SV2C: variants seen among roughly 807,000 people sequenced by gnomAD.
The protein encoded by SV2C is solute carrier family 22 member B3.
Under a neutral mutation model 79.7 loss-of-function variants are expected in SV2C, and 49 were observed. That is an observed-to-expected ratio of 0.61 (90% CI 0.49 to 0.78). SV2C has a LOEUF of 0.78. Ranked by LOEUF, SV2C falls within the 30% of genes least tolerant of loss-of-function variation. SV2C has a pLI of 0.00. For synonymous variants in SV2C, 334 were observed against 333.2 expected (o/e 1.00, Z -0.03); for missense variants, 833 against 912.9 (o/e 0.91, Z 1.13).
At chr5:76,093,357 C>G (rs1018542220) in intron 1 of SV2C, among the ~76,000 whole-genome samples, 1 of 152,132 alleles carries the variant, frequency 6.6e-6, no homozygotes, top group Admixed American at 6.5e-5. Flanking sequence ...AGTGGACATG[C>G]GAGTGGTGTG....
Position 76,242,953 on chromosome 5 carries a change from G to A in SV2C, c.913+33066G>A, listed in dbSNP as rs145192082. On this transcript the variant is annotated intron_variant, in intron 4 of 12. Transcript: ENST00000502798. ...CCCTTGAGCCTGGGAGTTTGAGGCC[G>A]CAGTGAGCTAAGATCACACCACTGC... 6.0e-3 allele frequency among the ~76,000 whole-genome samples: 829 copies of A among 139,090 alleles called. 4 individuals are homozygous for A. Among genetic ancestry groups the A allele is most frequent in the African/African-American group, 0.02 (751 of 37,624 alleles). 91.2% of individuals were successfully genotyped at this position (139,090 alleles called of 152,430 possible).
the SV2C span, among the ~76,000 whole-genome samples, chr5:76,061,777 A>G: frequency 1.3e-5 from 2 of 152,136 alleles, no homozygotes; most frequent in Non-Finnish European, 2.9e-5. Flanking sequence ...AACGTGCCCC[A>G]TAAACTTTAT....
chr5:76,013,566 A>T, the SV2C span, among the ~76,000 whole-genome samples: 2 of 152,178 alleles, frequency 1.3e-5, no homozygotes, highest in African/African-American at 4.8e-5. Flanking sequence ...AGACAATTTG[A>T]CTTCCTCTCT....
chr5:76,281,209 GACA>G (rs1747183566), intron 4 of SV2C: 2 of 531,486 alleles, frequency 3.8e-6, no homozygotes, highest in Non-Finnish European at 7.6e-6. Flanking sequence ...AAACAGAAAA[GACA>G]ACAACAGTGA....
At chr5:76,118,661 A>G (rs909375082) in intron 1 of SV2C, among the ~76,000 whole-genome samples, 1 of 152,038 alleles carries the variant, frequency 6.6e-6, no homozygotes, top group African/African-American at 2.4e-5. Flanking sequence ...AACCTTTCTG[A>G]GGGGCAGTAT....
chr5:76,146,451 A>G (rs34253050), intron 2 of SV2C, among the ~76,000 whole-genome samples: 9,319 of 152,194 alleles, frequency 0.061, 771 homozygotes, highest in East Asian at 0.4. Flanking sequence ...ACTTCCTGAC[A>G]TTGCCATGGC....
the SV2C span, among the ~76,000 whole-genome samples, chr5:75,868,431 A>T: frequency 6.6e-6 from 1 of 152,174 alleles, no homozygotes; most frequent in Non-Finnish European, 1.5e-5. Flanking sequence ...CTATGTGTGG[A>T]TGGGTTGGAG....
the SV2C span, among the ~76,000 whole-genome samples, chr5:76,048,380 A>T: frequency 6.6e-6 from 1 of 152,214 alleles, no homozygotes; most frequent in African/African-American, 2.4e-5. Context: ...TGTTGTATTC[A>T]GGCCCTCAAC....
chr5:76,094,354 A>C (rs941375623), intron 1 of SV2C, among the ~76,000 whole-genome samples: 1 of 152,158 alleles, frequency 6.6e-6, no homozygotes, highest in South Asian at 2.1e-4. Flanking sequence ...ACACTGTCCT[A>C]ATTTTTATCA....
the SV2C span, among the ~76,000 whole-genome samples, chr5:75,852,682 T>C: frequency 5.3e-5 from 8 of 151,860 alleles, no homozygotes; most frequent in East Asian, 3.9e-4. Flanking sequence ...AAAAATTAGC[T>C]GGGCGTGGTG....
chr5:75,918,331 C>A, the SV2C span, among the ~76,000 whole-genome samples: 2 of 152,152 alleles, frequency 1.3e-5, no homozygotes, highest in African/African-American at 4.8e-5. Context: ...AAGAAATAAA[C>A]AGGGGCTTTA....
chr5:76,089,945 T>C (rs752274815), intron 1 of SV2C, among the ~76,000 whole-genome samples: 7 of 152,258 alleles, frequency 4.6e-5, no homozygotes, highest in Non-Finnish European at 7.3e-5. Context: ...ATAGGCACTG[T>C]ACTTTAAAAG....
rs112717559 is a variant in SV2C, at chr5:76,315,441, G to C, written c.2001-9923G>C. Among the ~76,000 whole-genome samples, 91 of 152,266 alleles carry C rather than the reference G, an allele frequency of 6.0e-4. 1 individual carries two copies. The highest frequency in any genetic ancestry group is 3.4e-3 in the Middle Eastern group (1 of 294). On this transcript the variant is annotated intron_variant, in intron 12 of 12. Coordinates refer to ENST00000502798, the MANE Select transcript of SV2C (RefSeq NM_014979.4). ...ATATTTGGAAGATCTCAGGAAATCT[G>C]TTAGCTCAGTCTTTCATTTAATAAG...
the SV2C span, among the ~76,000 whole-genome samples, chr5:75,947,027 C>A: frequency 6.6e-6 from 1 of 152,094 alleles, no homozygotes; most frequent in Non-Finnish European, 1.5e-5. Context: ...AGTGACCATG[C>A]CTTCACGTCT....
In SV2C at chr5:76,227,388, G is replaced by A. The variant is rs568581248; in HGVS notation, c.913+17501G>A. ...CAAACATAGAGAAAGAAAAGCTGTA[G>A]AAGGGGCATTTCCCCCCTGTCTGGC... On this transcript the variant is annotated intron_variant, in intron 4 of 12. Coordinates refer to ENST00000502798, the MANE Select transcript of SV2C (RefSeq NM_014979.4). 3.3e-5 allele frequency among the ~76,000 whole-genome samples: 5 copies of A among 152,312 alleles called. No individual in the cohort carries two copies. In the South Asian group the frequency reaches 1.0e-3, roughly 32 times the overall value.
At chr5:76,296,049 G>A in intron 9 of SV2C, 107 bp downstream of exon 9, 1 of 1,098,948 alleles carries the variant, frequency 9.1e-7, no homozygotes, top group Non-Finnish European at 1.3e-6. Context: ...GTTTGTTTTA[G>A]TTTGTACATT....
chr5:75,960,212 A>T, the SV2C span, among the ~76,000 whole-genome samples: 5 of 151,864 alleles, frequency 3.3e-5, no homozygotes, highest in East Asian at 7.8e-4. Context: ...CTATTAACTG[A>T]TTTTTTTTGC....
chr5:76,017,911 G>A, the SV2C span, among the ~76,000 whole-genome samples: 1 of 152,114 alleles, frequency 6.6e-6, no homozygotes, highest in Non-Finnish European at 1.5e-5. Flanking sequence ...CAGTTTGGGG[G>A]GATCATGATC....
the SV2C span, chr5:75,921,463 T>C: frequency 3.8e-6 from 3 of 796,546 alleles, no homozygotes; most frequent in African/African-American, 5.1e-5. Context: ...TCCTTGCCCA[T>C]AAGGCAGTCG....
Sources: gnomAD v4.1 joint callset for allele counts (sites outside exome capture counted in the v4.1 genomes callset) on GRCh38, gnomAD v4.1.1 for gene constraint, MANE v1.5 for transcripts, NCBI Gene and HGNC (gene_info 2026-07-23, HGNC 2026-07-21) for gene names.